LRP2: variants seen among roughly 807,000 people sequenced by gnomAD.
The protein encoded by LRP2 is LDL receptor related protein 2.
A neutral mutation model predicts 531.0 loss-of-function variants in LRP2; 172 were observed. The observed-to-expected ratio is 0.32, with a 90% confidence interval of 0.29 to 0.37. The LOEUF is 0.37. LRP2 is among the 10% of genes least tolerant of loss of function. The pLI, the probability that LRP2 is intolerant of heterozygous loss-of-function variation, is 1.00. For missense variants in LRP2, 5,167 were observed against 5,868.3 expected (o/e 0.88, Z 3.90); for synonymous variants, 1,992 against 2,027.6 (o/e 0.98, Z 0.47).
chr2:169,233,014 C>T (rs1689467410), intron 30 of LRP2, among the ~76,000 whole-genome samples: 3 of 152,158 alleles, frequency 2.0e-5, no homozygotes, highest in South Asian at 4.1e-4. Flanking sequence ...CAGCAGAGCA[C>T]CTAGAAGGCA....
chr2:169,212,176 G>T lies in LRP2; in HGVS notation c.6072C>A (p.Asn2024Lys), dbSNP rs886055085. Residue 2024 changes from asparagine to lysine, a missense_variant, in exon 37 of 79, where the codon AAC becomes AAA. This residue lies in a region of LRP2 where 2,811 missense variants were observed against 3,058.0 expected (regional missense o/e 0.92). Coordinates refer to ENST00000649046, the MANE Select transcript of LRP2 (RefSeq NM_004525.3). ...NAAESSNGCS[N>K]NMNACQQICL... The stretch of plus-strand genomic sequence containing the variant: ...AAATCTGCTGACAGGCATTCATGTT[G>T]TTGCTACAGCCATTTGAGGATTCGG... 4 of 1,613,920 alleles carry T rather than the reference G, an allele frequency of 2.5e-6. No homozygotes were observed. The highest frequency in any genetic ancestry group is 2.5e-6 in the Non-Finnish European group (3 of 1,179,950).
At chr2:169,215,542 G>A (rs575373777) in intron 35 of LRP2, among the ~76,000 whole-genome samples, 1 of 152,082 alleles carries the variant, frequency 6.6e-6, no homozygotes, top group African/African-American at 2.4e-5. Context: ...AGAGAAGAAT[G>A]TGTAGCTACG....
rs1303245945 is a variant in LRP2 at position 169,325,029 on chromosome 2, G to GA, written c.80-4146dup. Among the ~76,000 whole-genome samples the GA allele has an allele frequency of 1.0e-4, 9 of 89,202 alleles. No homozygotes were observed. In the East Asian group the frequency reaches 1.2e-3, roughly 12 times the overall value. 58.5% of individuals were successfully genotyped at this position (89,202 alleles called of 152,430 possible). A position where few individuals can be genotyped will look rare whatever the true frequency, so the allele number is the denominator to read the frequency against. The stretch of plus-strand genomic sequence containing the variant: ...AGAAAAATGGAATCTGGAATAATCT[G>GA]AAAAAAGGGGAATATCTAGAAGTTT... On this transcript the variant is annotated intron_variant, in intron 1 of 78. Coordinates refer to ENST00000649046, the MANE Select transcript of LRP2 (RefSeq NM_004525.3).
intron 76 of LRP2, among the ~76,000 whole-genome samples, chr2:169,135,121 CAT>C (rs1435781629): frequency 6.6e-6 from 1 of 152,160 alleles, no homozygotes; most frequent in Non-Finnish European, 1.5e-5. Flanking sequence ...TAACCTCTTC[CAT>C]GTAGGTTACA....
Position 169,271,196 on chromosome 2 carries a change from C to T in LRP2, c.2117-89G>A, listed in dbSNP as rs958087561. On this transcript the variant is annotated intron_variant, in intron 15 of 78. Coordinates refer to ENST00000649046, the MANE Select transcript of LRP2 (RefSeq NM_004525.3). ...CAGATAAATGCATCCACAGAGCAAA[C>T]TTTAAATTATAAAATATAATTCTGA... 2.8e-5 allele frequency: 22 copies of T among 784,692 alleles called. No individual in the cohort carries two copies. The Admixed American group carries it at 5.2e-4, about 19-fold the overall frequency. The allele number at this position is 784,692 out of a possible 1,614,324, so 48.6% of individuals were successfully genotyped here.
Position 169,138,694 on chromosome 2 carries a change from G to A in LRP2, c.13401C>T (p.Leu4467=), listed in dbSNP as rs762776652. Residue 4467 remains leucine (L), a synonymous_variant, in exon 75 of 79, where the codon CTC becomes CTT. Transcript: ENST00000649046. ...CATTCCCATTTTCAGAGGGCTTGAC[G>A]AGACTGCTTAAGCTGGAAAGAAGTA... ...ALPKLPSLSS[L]VKPSENGNGV... The A allele has an allele frequency of 7.4e-6, 12 of 1,613,840 alleles. No homozygotes were observed. Among genetic ancestry groups the A allele is most frequent in the African/African-American group, 4.0e-5 (3 of 74,898 alleles).
intron 77 of LRP2, among the ~76,000 whole-genome samples, chr2:169,129,802 T>C (rs755610779): frequency 6.6e-6 from 1 of 152,216 alleles, no homozygotes; most frequent in African/African-American, 2.4e-5. Context: ...ATAATCACCC[T>C]GGACCATGGT....
chr2:169,182,419 C>G, intron 50 of LRP2, 100 bp from the exon 51 acceptor site: 1 of 1,593,558 alleles, frequency 6.3e-7, no homozygotes, highest in Non-Finnish European at 8.5e-7. Context: ...GAATCACAGA[C>G]AGTTGTTAGA....
At position 169,177,980 on chromosome 2, in the gene LRP2, C is replaced by A. The variant is rs1574101027; in HGVS notation, c.10216G>T (p.Ala3406Ser). The A allele has an allele frequency of 1.9e-6, 3 of 1,614,134 alleles. No individual in the cohort carries two copies. The highest frequency in any genetic ancestry group is 1.1e-5 in the South Asian group (1 of 91,064). The change falls in exon 53 of 79, where the codon GCA becomes TCA. Residue 3406 changes from alanine to serine, a missense_variant. Coordinates refer to ENST00000649046, the MANE Select transcript of LRP2 (RefSeq NM_004525.3). ...GHHRHTVYDG[A>S]LPHPFAITIF... ...GTAATAGCGAAAGGGTGAGGCAGTG[C>A]CCCATCATACACCGTGTGTCGATGG...
intron 48 of LRP2, among the ~76,000 whole-genome samples, chr2:169,189,543 G>A (rs1484539558): frequency 6.6e-6 from 1 of 152,182 alleles, no homozygotes; most frequent in East Asian, 1.9e-4. Flanking sequence ...ACTATTGCAA[G>A]TCAGTATTCC....
At chr2:169,326,546 G>A (rs1685065411) in intron 1 of LRP2, among the ~76,000 whole-genome samples, 1 of 151,944 alleles carries the variant, frequency 6.6e-6, no homozygotes, top group Non-Finnish European at 1.5e-5. Flanking sequence ...GGAGTACAGT[G>A]GCGTGATCTC....
chr2:169,237,274 C>G lies in LRP2; in HGVS notation c.4520G>C (p.Ser1507Thr), dbSNP rs1263572381. The change falls in exon 28 of 79, where the codon AGC becomes ACC. Residue 1507 changes from serine to threonine, a missense_variant. By Grantham distance (58) the Ser-to-Thr change is moderately conservative. This residue lies in a region of LRP2 where 2,811 missense variants were observed against 3,058.0 expected (regional missense o/e 0.92). Transcript: ENST00000649046. ...GTDRRVVFDS[S>T]IILTETIAID... ...TGCAATAGTTTCAGTCAAGATGATG[C>G]TACTGTCAAATACCTAAAGACAAAA... 1 of 1,612,774 alleles carries G rather than the reference C, an allele frequency of 6.2e-7. No homozygotes were observed. Among genetic ancestry groups the G allele is most frequent in the Non-Finnish European group, 8.5e-7 (1 of 1,179,108 alleles).
chr2:169,261,714 A>G (rs1690562827), intron 16 of LRP2, among the ~76,000 whole-genome samples: 1 of 152,102 alleles, frequency 6.6e-6, no homozygotes, highest in African/African-American at 2.4e-5. Flanking sequence ...AATCAATAGA[A>G]AAAGAGGGAA....
rs534940314 is a variant in LRP2, at chr2:169,176,489, C to T, written c.10493G>A (p.Arg3498His). Residue 3498 changes from arginine (R) to histidine (H), a missense_variant, in exon 54 of 79, where the codon CGC (arginine) becomes CAC (histidine). Coordinates refer to ENST00000649046, the MANE Select transcript of LRP2 (RefSeq NM_004525.3). The stretch of plus-strand genomic sequence containing the variant: ...GGTGCTGCCACTCAGCTGAAGGGTG[C>T]GGAAGTCATCTGGACACTCGCAAGT... Reference protein sequence around the residue: ...GFTCECPDDFRTLQLSGSTYC... With the variant: ...GFTCECPDDFHTLQLSGSTYC... 38 of 1,614,092 alleles carry T rather than the reference C, an allele frequency of 2.4e-5. No individual in the cohort carries two copies. Among genetic ancestry groups the T allele is most frequent in the South Asian group, 1.8e-4 (16 of 91,090 alleles).
At chr2:169,327,817 C>T (rs1280557115) in intron 1 of LRP2, among the ~76,000 whole-genome samples, 6 of 107,286 alleles carry the variant, frequency 5.6e-5, no homozygotes, top group Admixed American at 8.0e-5. Flanking sequence ...CGCCTCTGCC[C>T]GGCCGCCCCT....
intron 16 of LRP2, among the ~76,000 whole-genome samples, chr2:169,269,090 A>T (rs1234173568): frequency 6.6e-6 from 1 of 152,232 alleles, no homozygotes; most frequent in Non-Finnish European, 1.5e-5. Flanking sequence ...ACCACTGCTC[A>T]GCAAAATAAA....
In LRP2 at chr2:169,142,599, A is replaced by G. The variant is rs190553029; in HGVS notation, c.13108+75T>C. 83 of 1,600,232 alleles carry G rather than the reference A, an allele frequency of 5.2e-5. No individual in the cohort carries two copies. In the African/African-American group the frequency reaches 9.9e-4, roughly 19 times the overall value. On this transcript the variant is annotated intron_variant, in intron 71 of 78. Transcript: ENST00000649046. ...CTCTGCTGCAAAGGACCCAGCATAC[A>G]GGGATTCTTCTGACTCCTGAAGGCA... is the stretch of plus-strand genomic sequence containing the variant.
Position 169,307,400 on chromosome 2 carries a change from G to A in LRP2, c.311-3C>T, listed in dbSNP as rs530611209. The A allele has an allele frequency of 3.2e-6, 5 of 1,540,594 alleles. No homozygotes were observed. In the South Asian group the frequency reaches 4.5e-5, roughly 14 times the overall value. On this transcript the variant is annotated splice_region_variant and splice_polypyrimidine_tract_variant and intron_variant, in intron 3 of 78. Transcript: ENST00000649046. The stretch of plus-strand genomic sequence containing the variant: ...ATGACTTGAGCATGTACTTTGTGCT[G>A]CGAAGAGAAAAAATTATTACTTAAT...
chr2:169,257,057 A>C, intron 18 of LRP2, 67 bp downstream of exon 18: 1 of 1,595,196 alleles, frequency 6.3e-7, no homozygotes, highest in Non-Finnish European at 8.6e-7. Context: ...CATATCACCC[A>C]ACCTGCCTCA....
Sources: allele counts gnomAD v4.1 joint callset (sites outside exome capture counted in the v4.1 genomes callset), GRCh38; gene constraint gnomAD v4.1.1; regional missense constraint gnomAD v4.1.1; transcripts MANE v1.5; gene names NCBI Gene and HGNC (gene_info 2026-07-23, HGNC 2026-07-21).